Variants in MCC observed in about 807,000 individuals in gnomAD.
The protein encoded by MCC is colorectal mutant cancer protein.
MCC carries 90 observed loss-of-function variants against 116.2 expected under a neutral mutation model. That is an observed-to-expected ratio of 0.77 (90% confidence interval 0.65 to 0.92). The LOEUF (loss-of-function observed/expected upper bound fraction) is 0.92, where lower values mean the gene tolerates loss of function less well. Among genes scored for constraint, MCC ranks in the 40% least tolerant of loss-of-function variants. The probability of loss-of-function intolerance (pLI) is 0.00; values close to 1 mark genes in which losing one functional copy is unlikely to be tolerated. For synonymous variants in MCC, 578 were observed against 510.5 expected (o/e 1.13, Z -1.78); for missense variants, 1,516 against 1,312.2 (o/e 1.16, Z -2.40).
intron 3 of MCC, among the ~76,000 whole-genome samples, chr5:113,284,207 G>A (rs989794643): frequency 6.6e-6 from 1 of 152,162 alleles, no homozygotes; most frequent in Non-Finnish European, 1.5e-5. Context: ...AAAAGTAGCC[G>A]GATGTCTTGG....
intron 3 of MCC, among the ~76,000 whole-genome samples, chr5:113,335,888 G>A (rs1253942791): frequency 6.6e-6 from 1 of 151,696 alleles, no homozygotes. Flanking sequence ...TCTGAAACTT[G>A]GTACAGAGTT....
At chr5:113,062,894 C>A (rs1753321003) in intron 14 of MCC, among the ~76,000 whole-genome samples, 1 of 152,190 alleles carries the variant, frequency 6.6e-6, no homozygotes, top group South Asian at 2.1e-4. Context: ...TGCTTTCCAG[C>A]ACCAAGAAAG....
At chr5:113,481,371 T>C (rs1772373204) in intron 1 of MCC, among the ~76,000 whole-genome samples, 1 of 152,148 alleles carries the variant, frequency 6.6e-6, no homozygotes, top group South Asian at 2.1e-4. Context: ...AAAGAAATAA[T>C]TAGAAACAAT....
intron 1 of MCC, 91 bp downstream of exon 1, chr5:113,488,154 G>T: frequency 7.6e-7 from 1 of 1,309,648 alleles, no homozygotes; most frequent in Non-Finnish European, 1.0e-6. Context: ...GCAACTTGCC[G>T]CAAGTTGGGG....
At chr5:113,299,871 C>T (rs1051678922) in intron 3 of MCC, among the ~76,000 whole-genome samples, 4 of 152,220 alleles carry the variant, frequency 2.6e-5, no homozygotes, top group Admixed American at 2.6e-4. Context: ...TAGCCTGGTG[C>T]TTGGGTTCCT....
chr5:113,174,978 T>C (rs1761259575), intron 3 of MCC, among the ~76,000 whole-genome samples: 1 of 152,152 alleles, frequency 6.6e-6, no homozygotes, highest in South Asian at 2.1e-4. Flanking sequence ...TATAAATACT[T>C]GTGTATTTTA....
chr5:113,410,462 G>A (rs1210636295), intron 1 of MCC, among the ~76,000 whole-genome samples: 2 of 152,146 alleles, frequency 1.3e-5, no homozygotes, highest in Non-Finnish European at 2.9e-5. Flanking sequence ...TAAATTCTTA[G>A]AGTTCACGAG....
intron 5 of MCC, among the ~76,000 whole-genome samples, chr5:113,131,680 A>G (rs1237914726): frequency 6.6e-6 from 1 of 152,066 alleles, no homozygotes; most frequent in Non-Finnish European, 1.5e-5. Flanking sequence ...AGAGATCAGG[A>G]ACTGCTACTG....
chr5:113,305,024 G>A (rs985809715), intron 3 of MCC, among the ~76,000 whole-genome samples: 2 of 151,846 alleles, frequency 1.3e-5, no homozygotes, highest in African/African-American at 4.8e-5. Context: ...AAAAAAATGA[G>A]TATGATATGA....
intron 7 of MCC, among the ~76,000 whole-genome samples, chr5:113,103,359 T>A (rs111591856): frequency 0.017 from 2,567 of 152,304 alleles, 80 homozygotes; most frequent in African/African-American, 0.059. Context: ...GCCTCCTCCT[T>A]CCCTCTCAAC....
At chr5:113,416,583 T>C (rs907872989) in intron 1 of MCC, among the ~76,000 whole-genome samples, 6 of 152,218 alleles carry the variant, frequency 3.9e-5, no homozygotes, top group African/African-American at 1.4e-4. Flanking sequence ...TATACATAAA[T>C]GCATGTATAT....
intron 1 of MCC, among the ~76,000 whole-genome samples, chr5:113,484,895 A>C (rs1191301821): frequency 2.6e-5 from 4 of 152,202 alleles, no homozygotes; most frequent in Non-Finnish European, 5.9e-5. Context: ...ATATGTGGTA[A>C]AGTCATTGTA....
rs34111159 is a variant in MCC at position 113,456,623 on chromosome 5, A to ATTTTTTTTTTTTT, written c.170+31609_170+31621dup. On this transcript the variant is annotated intron_variant, in intron 1 of 18. Transcript: ENST00000408903. ...AGTCACCCGCCACCATGCCCAGCTA[A>ATTTTTTTTTTTTT]TTTTTTTTTTTTTTTTTTTTTTTTT... Among the ~76,000 whole-genome samples the ATTTTTTTTTTTTT allele has an allele frequency of 1.1e-3, 57 of 51,072 alleles. 4 individuals carry two copies. Among genetic ancestry groups the ATTTTTTTTTTTTT allele is most frequent in the Non-Finnish European group, 1.7e-3 (50 of 28,978 alleles). 33.5% of individuals were successfully genotyped at this position (51,072 alleles called of 152,430 possible).
At chr5:113,427,211 C>T (rs1189617577) in intron 1 of MCC, among the ~76,000 whole-genome samples, 1 of 152,098 alleles carries the variant, frequency 6.6e-6, no homozygotes, top group East Asian at 1.9e-4. Context: ...CTTAAAAGCC[C>T]TTAGCCCATT....
At chr5:113,041,378 A>G (rs1580901675) in intron 17 of MCC, among the ~76,000 whole-genome samples, 1 of 152,230 alleles carries the variant, frequency 6.6e-6, no homozygotes, top group Admixed American at 6.5e-5. Context: ...TGCTCTTTGT[A>G]TATCAGAAAT....
intron 1 of MCC, among the ~76,000 whole-genome samples, chr5:113,426,055 G>A (rs1770473445): frequency 6.6e-6 from 1 of 152,050 alleles, no homozygotes; most frequent in Non-Finnish European, 1.5e-5. Flanking sequence ...GGTCCTCAAG[G>A]GACTGAGGGC....
chr5:113,341,682 G>A (rs573097166), intron 2 of MCC, among the ~76,000 whole-genome samples: 1 of 152,292 alleles, frequency 6.6e-6, no homozygotes, highest in East Asian at 1.9e-4. Context: ...TGGTTCAGAT[G>A]GGAATGGTAC....
chr5:113,227,620 T>C (rs549300584), intron 3 of MCC, among the ~76,000 whole-genome samples: 1 of 152,272 alleles, frequency 6.6e-6, no homozygotes, highest in South Asian at 2.1e-4. Context: ...TTAAAGAAAA[T>C]CATATGTTTC....
At chr5:113,405,917 C>G (rs1769819906) in intron 1 of MCC, among the ~76,000 whole-genome samples, 2 of 152,076 alleles carry the variant, frequency 1.3e-5, no homozygotes, top group African/African-American at 4.8e-5. Context: ...TCCTTTTGAG[C>G]ATCACTCTAA....
Sources: gnomAD v4.1 joint callset for allele counts (sites outside exome capture counted in the v4.1 genomes callset) on GRCh38, gnomAD v4.1.1 for gene constraint, MANE v1.5 for transcripts, NCBI Gene and HGNC (gene_info 2026-07-23, HGNC 2026-07-21) for gene names.